Variants in OR4K1 observed in about 807,000 individuals in gnomAD.
The protein encoded by OR4K1 is olfactory receptor 4K1.
OR4K1 carries 16 observed loss-of-function variants against 14.4 expected under a neutral mutation model. The observed-to-expected ratio is 1.11, with a 90% CI of 0.75 to 1.68. OR4K1 has a LOEUF of 1.68. OR4K1 is among the 40% of genes most tolerant of loss of function. The probability of loss-of-function intolerance (pLI) is 0.00; values close to 1 mark genes in which losing one functional copy is unlikely to be tolerated. For synonymous variants in OR4K1, 181 were observed against 133.1 expected (o/e 1.36, Z -2.48); for missense variants, 548 against 376.9 (o/e 1.45, Z -3.76).
chr14:19,922,655 C>T, the OR4K1 span, among the ~76,000 whole-genome samples: 1 of 147,036 alleles, frequency 6.8e-6, no homozygotes, highest in East Asian at 2.0e-4. Context: ...TACATGTACT[C>T]TTTTTTTTTT....
chr14:19,921,734 T>A, the OR4K1 span: 1 of 823,472 alleles, frequency 1.2e-6, no homozygotes, highest in Non-Finnish European at 1.8e-6. Flanking sequence ...CAAGTGAAAG[T>A]TAAATATAAA....
At chr14:19,925,902 G>A in the OR4K1 span, among the ~76,000 whole-genome samples, 2 of 152,258 alleles carry the variant, frequency 1.3e-5, no homozygotes, top group African/African-American at 4.8e-5. Context: ...CACTTTCCAG[G>A]AATGCAGAGT....
At chr14:19,924,175 C>T in the OR4K1 span, among the ~76,000 whole-genome samples, 6 of 152,108 alleles carry the variant, frequency 3.9e-5, no homozygotes, top group East Asian at 3.9e-4. Flanking sequence ...CCGAAGTGGG[C>T]GGATAACCTG....
At position 19,936,712 on chromosome 14, in the gene OR4K1, T is replaced by G; in HGVS notation, c.*110T>G. On this transcript the variant is annotated 3_prime_UTR_variant, in exon 2 of 2. Coordinates refer to ENST00000641172, the MANE Select transcript of OR4K1 (RefSeq NM_001004063.3). ...CATATGGGTTATTGAGTTACAGAAT[T>G]GGCTTTTTGTTTTAAGTGCAAGGGA... is the stretch of plus-strand genomic sequence containing the variant. The G allele has an allele frequency of 9.6e-7, 1 of 1,037,222 alleles. No homozygotes were observed. Among genetic ancestry groups the G allele is most frequent in the Non-Finnish European group, 1.3e-6 (1 of 748,782 alleles). The allele number at this position is 1,037,222 out of a possible 1,614,324, so 64.3% of individuals were successfully genotyped here. A position where few individuals can be genotyped will look rare whatever the true frequency, so the allele number is the denominator to read the frequency against.
At chr14:19,923,592 CA>C in the OR4K1 span, among the ~76,000 whole-genome samples, 1 of 152,020 alleles carries the variant, frequency 6.6e-6, no homozygotes, top group African/African-American at 2.4e-5. Context: ...AATATGTCAA[CA>C]AAAAATTACA....
chr14:19,922,713 A>G, the OR4K1 span, among the ~76,000 whole-genome samples: 3 of 151,122 alleles, frequency 2.0e-5, no homozygotes, highest in Non-Finnish European at 4.4e-5. Flanking sequence ...AAATAGATTC[A>G]TGTAGTCACA....
the OR4K1 span, among the ~76,000 whole-genome samples, chr14:19,924,497 C>T: frequency 6.6e-6 from 1 of 151,188 alleles, no homozygotes; most frequent in Non-Finnish European, 1.5e-5. Context: ...TTAATAATCG[C>T]CATCCTGACT....
intron 1 of OR4K1, 37 bp from the exon 2 acceptor site, chr14:19,935,611 C>A: frequency 7.2e-7 from 1 of 1,397,094 alleles, no homozygotes; most frequent in Middle Eastern, 1.8e-4. Context: ...ATTGTAATGC[C>A]AATCATTGTG....
chr14:19,922,148 T>C, the OR4K1 span, among the ~76,000 whole-genome samples: 2 of 152,208 alleles, frequency 1.3e-5, no homozygotes, highest in East Asian at 3.9e-4. Context: ...GAATGATACA[T>C]ACTCAGAAGC....
At chr14:19,921,191 T>G in the OR4K1 span, 2 of 1,614,154 alleles carry the variant, frequency 1.2e-6, no homozygotes, top group Non-Finnish European at 1.7e-6. Flanking sequence ...CTTACATCAT[T>G]GAAATACTAA....
rs915056107 is a variant in OR4K1 at position 19,936,443 on chromosome 14, A to G, written c.777A>G (p.Ile259Met). 12 of 1,614,062 alleles carry G rather than the reference A, an allele frequency of 7.4e-6. No homozygotes were observed. Among genetic ancestry groups the G allele is most frequent in the Admixed American group, 1.7e-5 (1 of 60,016 alleles). The change falls in exon 2 of 2, where the codon ATA becomes ATG. Residue 259 changes from isoleucine (I) to methionine (M), a missense_variant. Physicochemically the swap from Ile to Met is conservative, Grantham distance 10. Coordinates refer to ENST00000641172, the MANE Select transcript of OR4K1 (RefSeq NM_001004063.3). ...TCGGGCCTTGCATTTATTTCTATAT[A>G]TGGCCTTTTAGCAGACTTCCTGTGG... is the stretch of plus-strand genomic sequence containing the variant. The part of the protein sequence containing the change: ...LFFGPCIYFY[I>M]WPFSRLPVDK...
At chr14:19,924,620 C>A in the OR4K1 span, among the ~76,000 whole-genome samples, 1 of 152,222 alleles carries the variant, frequency 6.6e-6, no homozygotes, top group African/African-American at 2.4e-5. Context: ...GTTCAATCAT[C>A]GTGGAAGACG....
In OR4K1 at chr14:19,936,692, G is replaced by A; in HGVS notation, c.*90G>A. 1 of 1,197,544 alleles carries A rather than the reference G, an allele frequency of 8.4e-7. No individual in the cohort carries two copies. The highest frequency in any genetic ancestry group is 1.1e-6 in the Non-Finnish European group (1 of 877,694). 74.2% of individuals were successfully genotyped at this position (1,197,544 alleles called of 1,614,324 possible). A position where few individuals can be genotyped will look rare whatever the true frequency, so the allele number is the denominator to read the frequency against. ...TGCCAACCATCTTTGCCAGACATATGGGTTATTGAGTTACAGAATTGGCTT... is the reference window on the plus strand; with the variant it reads ...TGCCAACCATCTTTGCCAGACATATAGGTTATTGAGTTACAGAATTGGCTT... On this transcript the variant is annotated 3_prime_UTR_variant, in exon 2 of 2. Transcript: ENST00000641172.
the OR4K1 span, chr14:19,920,519 C>T: frequency 2.7e-6 from 4 of 1,463,584 alleles, no homozygotes; most frequent in Non-Finnish European, 3.7e-6. Flanking sequence ...GAATCCCTCA[C>T]CTTAAAAGTA....
intron 1 of OR4K1, 128 bp from the exon 2 acceptor site, chr14:19,935,520 G>T: frequency 1.4e-6 from 1 of 737,520 alleles, no homozygotes; most frequent in African/African-American, 1.8e-5. Context: ...ATTTACATAC[G>T]TAAATATATG....
chr14:19,930,199 G>A (rs575751527), upstream of OR4K1, among the ~76,000 whole-genome samples: 4 of 152,148 alleles, frequency 2.6e-5, no homozygotes, highest in East Asian at 7.7e-4. Context: ...ATGTGCCATT[G>A]TGCTCAAATG....
upstream of OR4K1, among the ~76,000 whole-genome samples, chr14:19,926,875 A>G (rs1156880064): frequency 6.6e-6 from 1 of 152,260 alleles, no homozygotes; most frequent in East Asian, 1.9e-4. Context: ...CCAGAAAAAA[A>G]GCTCTGCAGA....
the OR4K1 span, chr14:19,920,770 T>C: frequency 6.2e-7 from 1 of 1,614,178 alleles, no homozygotes. Context: ...GATACCAGCC[T>C]GCACTCCCCT....
At position 19,935,638 on chromosome 14, in the gene OR4K1, T is replaced by C. The variant is rs751583705; in HGVS notation, c.-19-10T>C. On this transcript the variant is annotated splice_polypyrimidine_tract_variant and intron_variant, in intron 1 of 1. Coordinates refer to ENST00000641172, the MANE Select transcript of OR4K1 (RefSeq NM_001004063.3). Reference sequence around the variant, plus strand: ...ATCATTGTGACATTTTTCTGATTTCTTTTTTTTAGGTAACTGAATATTGGA... The same window carrying C: ...ATCATTGTGACATTTTTCTGATTTCCTTTTTTTAGGTAACTGAATATTGGA... 24 of 1,513,298 alleles carry C rather than the reference T, an allele frequency of 1.6e-5. No homozygotes were observed. Among genetic ancestry groups the C allele is most frequent in the Admixed American group, 4.4e-5 (2 of 45,312 alleles). The allele number at this position is 1,513,298 out of a possible 1,614,324, so 93.7% of individuals were successfully genotyped here.
Sources: gnomAD v4.1 joint callset for allele counts (sites outside exome capture counted in the v4.1 genomes callset) on GRCh38, gnomAD v4.1.1 for gene constraint, MANE v1.5 for transcripts, NCBI Gene and HGNC (gene_info 2026-07-23, HGNC 2026-07-21) for gene names.